The following CNTNAP2 variants were observed in gnomAD, a reference collection of about 807,000 sequenced individuals.
The protein encoded by CNTNAP2 is contactin associated protein 2, also known as contactin-associated protein-like 2.
Under a neutral mutation model 155.2 loss-of-function variants are expected in CNTNAP2, and 98 were observed. The ratio of observed to expected loss-of-function variants is 0.63; its 90% confidence interval spans 0.54 to 0.75. CNTNAP2 has a LOEUF of 0.75. Among genes scored for constraint, CNTNAP2 ranks in the 30% least tolerant of loss-of-function variants. CNTNAP2 has a pLI of 0.00. For missense variants in CNTNAP2, 1,727 were observed against 1,688.1 expected (o/e 1.02, Z -0.40); for synonymous variants, 651 against 631.2 (o/e 1.03, Z -0.47).
chr7:147,137,599 CCTTA>C (rs1266254002), intron 8 of CNTNAP2, among the ~76,000 whole-genome samples: 8 of 151,822 alleles, frequency 5.3e-5, no homozygotes, highest in African/African-American at 1.7e-4. Flanking sequence ...ATTCTAATTT[CCTTA>C]CTTAGAAACA....
chr7:147,720,559 C>T (rs1373911509), intron 13 of CNTNAP2, among the ~76,000 whole-genome samples: 2 of 151,990 alleles, frequency 1.3e-5, no homozygotes, highest in African/African-American at 4.8e-5. Flanking sequence ...AATTGTAACC[C>T]CGTAATCCCC....
chr7:148,150,421 G>T lies in CNTNAP2; in HGVS notation c.2773+2712G>T, dbSNP rs530540744. Among the ~76,000 whole-genome samples the T allele has an allele frequency of 1.9e-3, 294 of 152,188 alleles. 1 individual carries two copies. The highest frequency in any genetic ancestry group is 3.5e-3 in the Non-Finnish European group (237 of 68,000). ...AAATTAGCCAGGCATGGTGGTGGGT[G>T]CCTGTAGTCCCAGCTACTCAGGAGG... On this transcript the variant is annotated intron_variant, in intron 17 of 23. Coordinates refer to ENST00000361727, the MANE Select transcript of CNTNAP2 (RefSeq NM_014141.6).
chr7:147,388,425 G>T (rs1372345034), intron 9 of CNTNAP2, among the ~76,000 whole-genome samples: 1 of 152,088 alleles, frequency 6.6e-6, no homozygotes, highest in Non-Finnish European at 1.5e-5. Flanking sequence ...CTGTACGTAG[G>T]CTGTCTTCAG....
intron 14 of CNTNAP2, among the ~76,000 whole-genome samples, chr7:147,943,386 A>G (rs1800760428): frequency 6.6e-6 from 1 of 152,128 alleles, no homozygotes; most frequent in African/African-American, 2.4e-5. Flanking sequence ...AATTTTTTTC[A>G]CTTAATCCTA....
intron 1 of CNTNAP2, among the ~76,000 whole-genome samples, chr7:146,510,882 T>C (rs1421375865): frequency 1.3e-5 from 2 of 151,836 alleles, no homozygotes; most frequent in Admixed American, 6.6e-5. Flanking sequence ...AGTTTTGGGG[T>C]GGTCTTTAGG....
chr7:148,147,653 G>T lies in CNTNAP2; in HGVS notation c.2717G>T (p.Arg906Leu), dbSNP rs759801195. The T allele has an allele frequency of 8.1e-6, 13 of 1,613,800 alleles. No homozygotes were observed. The highest frequency in any genetic ancestry group is 1.1e-5 in the South Asian group (1 of 91,078). ...LQVDRLPQQI[R>L]KAPTEGHTRL... ...GTGGACCGGCTACCGCAGCAGATCC[G>T]CAAGGCCCCAACAGAAGGCCACACC... The change falls in exon 17 of 24, where the codon CGC (arginine) becomes CTC (leucine). Residue 906 changes from arginine (R) to leucine (L), a missense_variant. By Grantham distance (102) the Arg-to-Leu change is moderately radical. Transcript: ENST00000361727.
intron 12 of CNTNAP2, among the ~76,000 whole-genome samples, chr7:147,627,590 G>A (rs1795005078): frequency 6.6e-6 from 1 of 151,242 alleles, no homozygotes; most frequent in Non-Finnish European, 1.5e-5. Flanking sequence ...TACTTGGGAG[G>A]CTGAGGCAGG....
intron 3 of CNTNAP2, among the ~76,000 whole-genome samples, chr7:146,946,922 C>A (rs1797188933): frequency 6.6e-6 from 1 of 151,948 alleles, no homozygotes; most frequent in African/African-American, 2.4e-5. Flanking sequence ...ACAAAATCCC[C>A]CCAAAAAAGC....
chr7:147,928,120 C>T (rs142084335), intron 14 of CNTNAP2, among the ~76,000 whole-genome samples: 15 of 152,258 alleles, frequency 9.9e-5, no homozygotes, highest in South Asian at 6.2e-4. Context: ...TTCTATCTTG[C>T]CTGCCACCAT....
intron 14 of CNTNAP2, among the ~76,000 whole-genome samples, chr7:147,967,630 T>G (rs879677483): frequency 6.6e-6 from 1 of 152,212 alleles, no homozygotes; most frequent in Non-Finnish European, 1.5e-5. Flanking sequence ...AGGGTAATAA[T>G]TAGATTATCT....
At chr7:146,251,177 G>A (rs1399629230) in intron 1 of CNTNAP2, among the ~76,000 whole-genome samples, 2 of 151,972 alleles carry the variant, frequency 1.3e-5, no homozygotes, top group African/African-American at 4.8e-5. Context: ...TTAGACAAAG[G>A]CATACAACTT....
At chr7:146,387,466 G>C (rs1795477357) in intron 1 of CNTNAP2, among the ~76,000 whole-genome samples, 1 of 152,142 alleles carries the variant, frequency 6.6e-6, no homozygotes, top group Admixed American at 6.5e-5. Flanking sequence ...TCTTCCGGAT[G>C]GGTAGACCTT....
At chr7:148,247,595 TTCTCTCTC>T (rs140317251) in intron 20 of CNTNAP2, among the ~76,000 whole-genome samples, 81 of 132,964 alleles carry the variant, frequency 6.1e-4, no homozygotes, top group Non-Finnish European at 6.4e-4. Context: ...GCTTCTCCCA[TTCTCTCTC>T]TCTCTCTCTC....
chr7:147,996,983 C>A (rs543506924), intron 15 of CNTNAP2, among the ~76,000 whole-genome samples: 1 of 152,176 alleles, frequency 6.6e-6, no homozygotes, highest in South Asian at 2.1e-4. Context: ...GGATTAGTAC[C>A]CTTGTAAAAG....
intron 1 of CNTNAP2, among the ~76,000 whole-genome samples, chr7:146,442,196 A>G (rs995397741): frequency 5.3e-5 from 8 of 151,566 alleles, no homozygotes; most frequent in Admixed American, 1.3e-4. Context: ...GCCACAAGTT[A>G]TTTTTCTTTT....
chr7:146,826,124 T>A (rs986324165), intron 2 of CNTNAP2, among the ~76,000 whole-genome samples: 1 of 152,116 alleles, frequency 6.6e-6, no homozygotes, highest in Non-Finnish European at 1.5e-5. Flanking sequence ...GGCATGGAGA[T>A]GTTATTTGCA....
intron 11 of CNTNAP2, among the ~76,000 whole-genome samples, chr7:147,529,044 G>A (rs543699549): frequency 3.9e-5 from 6 of 152,142 alleles, no homozygotes; most frequent in African/African-American, 7.2e-5. Context: ...AAATGGAAAC[G>A]ATACATGTCC....
chr7:147,800,377 G>A (rs183882728), intron 13 of CNTNAP2, among the ~76,000 whole-genome samples: 13 of 150,124 alleles, frequency 8.7e-5, no homozygotes, highest in African/African-American at 3.2e-4. Flanking sequence ...TTTTTTTTTT[G>A]ACCTGTACAC....
At chr7:147,313,833 A>T (rs1054624344) in intron 9 of CNTNAP2, among the ~76,000 whole-genome samples, 1 of 151,576 alleles carries the variant, frequency 6.6e-6, no homozygotes, top group African/African-American at 2.4e-5. Context: ...GATGGCATTG[A>T]ATCTATAAAT....
Sources: allele counts gnomAD v4.1 joint callset (sites outside exome capture counted in the v4.1 genomes callset), GRCh38; gene constraint gnomAD v4.1.1; transcripts MANE v1.5; gene names NCBI Gene and HGNC (gene_info 2026-07-23, HGNC 2026-07-21).